ATRNL1: variants seen among roughly 807,000 people sequenced by gnomAD.
The protein encoded by ATRNL1 is attractin-like protein 1.
Under a neutral mutation model 182.7 loss-of-function variants are expected in ATRNL1, and 95 were observed. That is an observed-to-expected ratio of 0.52 (90% CI 0.44 to 0.62). The LOEUF (loss-of-function observed/expected upper bound fraction) is 0.62, where lower values mean the gene tolerates loss of function less well. Among genes scored for constraint, ATRNL1 ranks in the 20% least tolerant of loss-of-function variants. ATRNL1 has a pLI of 0.00. For synonymous variants in ATRNL1, 576 were observed against 568.3 expected, an observed-to-expected ratio of 1.01 and a Z score of -0.19; for missense variants, 1,471 against 1,679.5, an observed-to-expected ratio of 0.88 and a Z score of 2.17.
At chr10:115,504,646 A>C (rs1166813177) in intron 24 of ATRNL1, among the ~76,000 whole-genome samples, 3 of 152,108 alleles carry the variant, frequency 2.0e-5, no homozygotes, top group Non-Finnish European at 4.4e-5. Context: ...GTATGCTGGC[A>C]ATTCTTAACA....
At chr10:115,372,393 T>A (rs1224196052) in intron 19 of ATRNL1, among the ~76,000 whole-genome samples, 2 of 152,186 alleles carry the variant, frequency 1.3e-5, no homozygotes, top group Non-Finnish European at 2.9e-5. Context: ...GTCTATATTT[T>A]TTTTGTCTAT....
chr10:115,331,846 A>T (rs1564922923), intron 18 of ATRNL1, among the ~76,000 whole-genome samples: 1 of 151,960 alleles, frequency 6.6e-6, no homozygotes, highest in African/African-American at 2.4e-5. Flanking sequence ...ATCATGGGAG[A>T]TCCATATTGG....
chr10:115,750,293 TA>T (rs1373791203), intron 27 of ATRNL1, among the ~76,000 whole-genome samples: 2 of 151,774 alleles, frequency 1.3e-5, no homozygotes, highest in Non-Finnish European at 2.9e-5. Context: ...GGTCTATTAA[TA>T]AAAACAGAAT....
At chr10:115,300,816 A>G (rs1853433704) in intron 16 of ATRNL1, among the ~76,000 whole-genome samples, 1 of 152,146 alleles carries the variant, frequency 6.6e-6, no homozygotes, top group Non-Finnish European at 1.5e-5. Flanking sequence ...TTGTGCAAAC[A>G]TCATCACCAT....
At chr10:115,623,474 G>A (rs1223288464) in intron 26 of ATRNL1, among the ~76,000 whole-genome samples, 2 of 152,116 alleles carry the variant, frequency 1.3e-5, no homozygotes, top group African/African-American at 2.4e-5. Context: ...AACTTCTGAA[G>A]TATGGAAAAA....
chr10:115,512,979 G>T (rs1198421606), intron 24 of ATRNL1, among the ~76,000 whole-genome samples: 3 of 152,010 alleles, frequency 2.0e-5, no homozygotes, highest in Non-Finnish European at 4.4e-5. Flanking sequence ...GCCCAGGACA[G>T]CTTTGAATGC....
At chr10:115,290,546 C>G (rs1436987439) in intron 15 of ATRNL1, among the ~76,000 whole-genome samples, 4 of 152,148 alleles carry the variant, frequency 2.6e-5, no homozygotes, top group African/African-American at 9.7e-5. Context: ...ATCCCAGCCA[C>G]TTCCGAGGCT....
intron 21 of ATRNL1, among the ~76,000 whole-genome samples, chr10:115,445,576 T>C (rs1234223212): frequency 6.7e-6 from 1 of 149,318 alleles, no homozygotes; most frequent in Non-Finnish European, 1.5e-5. Flanking sequence ...TGGACATGCC[T>C]GGATGTCTGT....
intron 5 of ATRNL1, among the ~76,000 whole-genome samples, chr10:115,131,760 G>C (rs557563024): frequency 6.6e-6 from 1 of 152,056 alleles, no homozygotes; most frequent in African/African-American, 2.4e-5. Context: ...ACAGATTGTT[G>C]TTACCTCCAT....
In ATRNL1 at chr10:115,201,693, A is replaced by G. The variant is rs1268459668; in HGVS notation, c.1349-14004A>G. On this transcript the variant is annotated intron_variant, in intron 8 of 28. Transcript: ENST00000355044. ...GCCTCCAGCTTTGTTCTTTTGGCTT[A>G]GGATTGACTTGGTGATGCGGGCTCT... 4.3e-4 allele frequency among the ~76,000 whole-genome samples: 65 copies of G among 152,154 alleles called. 1 individual carries two copies.
chr10:115,762,682 TAAG>T (rs1487782605), intron 27 of ATRNL1, among the ~76,000 whole-genome samples: 1 of 152,082 alleles, frequency 6.6e-6, no homozygotes, highest in Non-Finnish European at 1.5e-5. Context: ...ATATAAATTA[TAAG>T]AATACAAATT....
intron 21 of ATRNL1, among the ~76,000 whole-genome samples, chr10:115,430,630 T>C (rs1357124153): frequency 1.3e-5 from 2 of 152,128 alleles, no homozygotes; most frequent in African/African-American, 2.4e-5. Context: ...ACTTGATAGG[T>C]AGTTTTTAGA....
At position 115,586,408 on chromosome 10, in the gene ATRNL1, G is replaced by C. The variant is rs1411062781; in HGVS notation, c.3795+36872G>C. On this transcript the variant is annotated intron_variant, in intron 26 of 28. Coordinates refer to ENST00000355044, the MANE Select transcript of ATRNL1 (RefSeq NM_207303.4). Reference sequence around the variant, plus strand: ...AGGTACACCAATCAGACGTGGATTTGGTCTTTTCAGATAGTCCCATATTTC... The same window carrying C: ...AGGTACACCAATCAGACGTGGATTTCGTCTTTTCAGATAGTCCCATATTTC... Among the ~76,000 whole-genome samples, 7 of 106,236 alleles carry C rather than the reference G, an allele frequency of 6.6e-5. 1 individual carries two copies. Among genetic ancestry groups the C allele is most frequent in the African/African-American group, 2.0e-4 (7 of 35,302 alleles). 69.7% of individuals were successfully genotyped at this position (106,236 alleles called of 152,430 possible). A position where few individuals can be genotyped will look rare whatever the true frequency, so the allele number is the denominator to read the frequency against.
intron 25 of ATRNL1, among the ~76,000 whole-genome samples, chr10:115,528,522 T>G (rs57965100): frequency 0.011 from 1,704 of 151,888 alleles, 25 homozygotes; most frequent in African/African-American, 0.039. Flanking sequence ...TCTCTTTTCT[T>G]TTTTTTTGGT....
At position 115,171,190 on chromosome 10, in the gene ATRNL1, G is replaced by A; in HGVS notation, c.1246G>A (p.Ala416Thr). 6.2e-7 allele frequency: 1 copy of A among 1,611,272 alleles called. No homozygotes were observed. Among genetic ancestry groups the A allele is most frequent in the East Asian group, 2.2e-5 (1 of 44,720 alleles). ...GCAGTATGCTGTGGAGGGACATTCA[G>A]CACATATTATGGAGTTGGATAGTAG... Reference protein sequence around the residue: ...GQQYAVEGHSAHIMELDSRDV... With the variant: ...GQQYAVEGHSTHIMELDSRDV... The change falls in exon 8 of 29, where the codon GCA becomes ACA. Residue 416 changes from alanine (A) to threonine (T), a missense_variant. This residue lies in a region of ATRNL1 where 1,031 missense variants were observed against 1,156.0 expected (regional missense o/e 0.89). Coordinates refer to ENST00000355044, the MANE Select transcript of ATRNL1 (RefSeq NM_207303.4).
At chr10:115,353,168 A>G (rs868948210) in intron 19 of ATRNL1, among the ~76,000 whole-genome samples, 33 of 152,180 alleles carry the variant, frequency 2.2e-4, no homozygotes, top group Non-Finnish European at 8.8e-5. Flanking sequence ...TGGGTGTTGA[A>G]GTCCCCAGGC....
At chr10:115,200,023 T>G (rs888744902) in intron 8 of ATRNL1, among the ~76,000 whole-genome samples, 2 of 152,074 alleles carry the variant, frequency 1.3e-5, no homozygotes, top group Non-Finnish European at 2.9e-5. Flanking sequence ...GCATAGGGTG[T>G]GCAGTGGACC....
rs1953933972 is a variant in ATRNL1 at position 115,948,935 on chromosome 10, T to C, written c.*4156T>C. ...TTTAGAAAGCCAACATTTTATGTTA[T>C]AATATGCTGTTAATCAGGACTTTAT... On this transcript the variant is annotated 3_prime_UTR_variant, in exon 29 of 29. Coordinates refer to ENST00000355044, the MANE Select transcript of ATRNL1 (RefSeq NM_207303.4). 2 of 152,204 alleles carry C rather than the reference T, an allele frequency of 1.3e-5. No individual in the cohort carries two copies. The highest frequency in any genetic ancestry group is 4.2e-4 in the South Asian group (2 of 4,818). 9.4% of individuals were successfully genotyped at this position (152,204 alleles called of 1,614,324 possible). A position where few individuals can be genotyped will look rare whatever the true frequency, so the allele number is the denominator to read the frequency against.
intron 6 of ATRNL1, among the ~76,000 whole-genome samples, chr10:115,161,930 G>A (rs1554883407): frequency 1.3e-5 from 2 of 151,976 alleles, no homozygotes; most frequent in Non-Finnish European, 2.9e-5. Context: ...TACATTTTAA[G>A]ACAAATTATT....
Sources: gnomAD v4.1 joint callset for allele counts (sites outside exome capture counted in the v4.1 genomes callset) on GRCh38, gnomAD v4.1.1 for gene constraint, gnomAD v4.1.1 regional missense constraint, MANE v1.5 for transcripts, NCBI Gene and HGNC (gene_info 2026-07-23, HGNC 2026-07-21) for gene names.